The following TNNI3K variants were observed in gnomAD, a reference collection of about 807,000 sequenced individuals.
TNNI3K encodes serine/threonine-protein kinase TNNI3K.
In TNNI3K, 140 loss-of-function variants were observed where a neutral mutation model predicts 114.5. The observed-to-expected ratio is 1.22, with a 90% CI of 1.07 to 1.41. The LOEUF is 1.41. TNNI3K is among the 40% of genes most tolerant of loss of function. The pLI, the probability that TNNI3K is intolerant of heterozygous loss-of-function variation, is 0.00. For synonymous variants in TNNI3K, 347 were observed against 347.5 expected, an observed-to-expected ratio of 1.00 and a Z score of 0.02; for missense variants, 1,125 against 1,007.6, an observed-to-expected ratio of 1.12 and a Z score of -1.58.
intron 17 of TNNI3K, among the ~76,000 whole-genome samples, chr1:74,417,455 G>T (rs1665172751): frequency 6.6e-6 from 1 of 152,018 alleles, no homozygotes; most frequent in Admixed American, 6.6e-5. Flanking sequence ...TTAGAAATGT[G>T]CTGCGTTCTG....
intron 20 of TNNI3K, among the ~76,000 whole-genome samples, chr1:74,450,481 A>G (rs1557574029): frequency 7.1e-6 from 1 of 141,674 alleles, no homozygotes; most frequent in Non-Finnish European, 1.5e-5. Flanking sequence ...TCTACCAAAT[A>G]GAAAATGTTT....
chr1:74,253,573 C>T (rs1359585220), intron 4 of TNNI3K, among the ~76,000 whole-genome samples: 2 of 152,178 alleles, frequency 1.3e-5, no homozygotes, highest in Non-Finnish European at 2.9e-5. Context: ...CCCTCCGCAG[C>T]TGCTGGCCCG....
intron 4 of TNNI3K, among the ~76,000 whole-genome samples, chr1:74,260,275 T>C (rs1019511308): frequency 1.3e-5 from 2 of 152,196 alleles, no homozygotes; most frequent in Non-Finnish European, 2.9e-5. Context: ...TTTTCTTTGA[T>C]TCCTCAGTAT....
chr1:74,290,194 T>C (rs1482830201), intron 5 of TNNI3K, among the ~76,000 whole-genome samples: 5 of 126,196 alleles, frequency 4.0e-5, no homozygotes, highest in Non-Finnish European at 8.3e-5. Context: ...GCTTAATGTA[T>C]TTTGCCATTC....
chr1:74,428,543 C>G (rs539506390), intron 17 of TNNI3K, among the ~76,000 whole-genome samples: 1 of 152,140 alleles, frequency 6.6e-6, no homozygotes, highest in Non-Finnish European at 1.5e-5. Flanking sequence ...AAACAGACTT[C>G]CATAGGCTTC....
intron 4 of TNNI3K, among the ~76,000 whole-genome samples, chr1:74,255,422 C>T (rs1655223391): frequency 1.3e-5 from 2 of 151,680 alleles, no homozygotes; most frequent in South Asian, 4.2e-4. Flanking sequence ...CCTCATTTTC[C>T]TATTTTCCTA....
chr1:74,236,608 C>T (rs892111372), intron 2 of TNNI3K, among the ~76,000 whole-genome samples: 16 of 151,820 alleles, frequency 1.1e-4, no homozygotes, highest in Non-Finnish European at 1.5e-4. Flanking sequence ...TGAACTATGA[C>T]GGTAAGTCCA....
intron 17 of TNNI3K, among the ~76,000 whole-genome samples, chr1:74,419,056 G>A (rs982339485): frequency 3.9e-5 from 6 of 152,032 alleles, no homozygotes; most frequent in Non-Finnish European, 7.4e-5. Context: ...ATTATCAAAA[G>A]TTGGTGGCTT....
chr1:74,538,240 A>G (rs1646683402), intron 23 of TNNI3K, among the ~76,000 whole-genome samples: 1 of 152,146 alleles, frequency 6.6e-6, no homozygotes, highest in African/African-American at 2.4e-5. Context: ...AGAATACAAG[A>G]CACAGAGACC....
At chr1:74,447,405 A>G (rs1050252094) in intron 20 of TNNI3K, among the ~76,000 whole-genome samples, 1 of 149,252 alleles carries the variant, frequency 6.7e-6, no homozygotes, top group African/African-American at 2.6e-5. Flanking sequence ...ACTCAAACAA[A>G]TTTACAAGAA....
At position 74,354,550 on chromosome 1, in the gene TNNI3K, T is replaced by A. The variant is rs186758980; in HGVS notation, c.1177+421T>A. Among the ~76,000 whole-genome samples the A allele has an allele frequency of 7.2e-5, 11 of 152,258 alleles. No individual in the cohort carries two copies. In the East Asian group the frequency reaches 2.1e-3, roughly 29 times the overall value. ...GATCTAACCCTGCTGACAATGCTTG[T>A]GCTAGAAAATGTGAGGGACCCAAGT... is the stretch of plus-strand genomic sequence containing the variant. On this transcript the variant is annotated intron_variant, in intron 11 of 24. Coordinates refer to ENST00000326637, the MANE Select transcript of TNNI3K (RefSeq NM_015978.3).
In TNNI3K at chr1:74,331,443, T is replaced by C. The variant is rs1660200532; in HGVS notation, c.445-7T>C. 1 of 1,611,734 alleles carries C rather than the reference T, an allele frequency of 6.2e-7. No individual in the cohort carries two copies. Among genetic ancestry groups the C allele is most frequent in the Non-Finnish European group, 8.5e-7 (1 of 1,179,290 alleles). On this transcript the variant is annotated splice_region_variant and splice_polypyrimidine_tract_variant and intron_variant, in intron 5 of 24. Transcript: ENST00000326637. ...AAGTTCTTAACCATAATCATTTTCT[T>C]GTCCAGGCTGCTGATGTGCTGTTGC... is the stretch of plus-strand genomic sequence containing the variant.
intron 21 of TNNI3K, among the ~76,000 whole-genome samples, chr1:74,478,783 A>T: frequency 6.6e-6 from 1 of 152,220 alleles, no homozygotes; most frequent in Non-Finnish European, 1.5e-5. Context: ...GATATCTATT[A>T]ATTATCCACC....
chr1:74,471,269 T>C (rs931564251), intron 21 of TNNI3K: 1 of 400,570 alleles, frequency 2.5e-6, no homozygotes, highest in African/African-American at 2.1e-5. Flanking sequence ...GGCAGCCTCT[T>C]TGAAGTGAGT....
At chr1:74,243,591 T>A (rs1454733655) in intron 2 of TNNI3K, among the ~76,000 whole-genome samples, 1 of 152,160 alleles carries the variant, frequency 6.6e-6, no homozygotes, top group African/African-American at 2.4e-5. Flanking sequence ...AAGTTCCCAC[T>A]TGTGGTCATG....
intron 20 of TNNI3K, among the ~76,000 whole-genome samples, chr1:74,453,522 C>T (rs916223935): frequency 1.3e-5 from 2 of 152,142 alleles, no homozygotes; most frequent in African/African-American, 2.4e-5. Context: ...CAGCATTATA[C>T]AGGACTCATC....
intron 5 of TNNI3K, among the ~76,000 whole-genome samples, chr1:74,297,522 C>CGTGTGTGTGTGTGTGTGTGTGT (rs10633137): frequency 3.2e-4 from 46 of 145,458 alleles, no homozygotes; most frequent in African/African-American, 1.2e-3. Flanking sequence ...TGTGTGTGTG[C>CGTGTGTGTGTGTGTGTGTGTGT]GTGTGTGTGT....
At chr1:74,453,219 A>G (rs45626831) in intron 20 of TNNI3K, among the ~76,000 whole-genome samples, 3,007 of 152,290 alleles carry the variant, frequency 0.02, 86 homozygotes, top group African/African-American at 0.069. Context: ...TAAAAAGTTG[A>G]AAGTCTTGCC....
At chr1:74,334,036 A>G (rs996140322) in intron 6 of TNNI3K, among the ~76,000 whole-genome samples, 4 of 152,228 alleles carry the variant, frequency 2.6e-5, no homozygotes, top group Admixed American at 1.3e-4. Flanking sequence ...ACTTTTACTA[A>G]CAGTTATTGA....
Sources: gnomAD v4.1 joint callset for allele counts (sites outside exome capture counted in the v4.1 genomes callset) on GRCh38, gnomAD v4.1.1 for gene constraint, MANE v1.5 for transcripts, NCBI Gene and HGNC (gene_info 2026-07-23, HGNC 2026-07-21) for gene names.